Variants in FNTB observed in about 807,000 individuals in gnomAD.
FNTB encodes protein farnesyltransferase subunit beta.
Under a neutral mutation model 59.4 loss-of-function variants are expected in FNTB, and 27 were observed. The observed-to-expected ratio is 0.45, with a 90% CI of 0.34 to 0.63. FNTB has a LOEUF of 0.63. Among genes scored for constraint, FNTB ranks in the 20% least tolerant of loss-of-function variants. The probability of loss-of-function intolerance (pLI) is 0.02; values close to 1 mark genes in which losing one functional copy is unlikely to be tolerated. For missense variants in FNTB, 449 were observed against 559.6 expected, an observed-to-expected ratio of 0.80 and a Z score of 1.99; for synonymous variants, 230 against 220.7, an observed-to-expected ratio of 1.04 and a Z score of -0.37.
chr14:64,988,298 G>A (rs1888033444), intron 1 of FNTB, among the ~76,000 whole-genome samples: 1 of 152,072 alleles, frequency 6.6e-6, no homozygotes, highest in Admixed American at 6.6e-5. Flanking sequence ...TGTGTCCCAG[G>A]GAAGGCTGAC....
intron 7 of FNTB, among the ~76,000 whole-genome samples, chr14:65,035,482 T>C (rs776470020): frequency 2.0e-5 from 3 of 152,210 alleles, no homozygotes; most frequent in Non-Finnish European, 4.4e-5. Context: ...ATCCCAGTTT[T>C]GCCCTTTCTT....
Position 64,997,011 on chromosome 14 carries a change from T to G in FNTB, c.145-7238T>G, listed in dbSNP as rs1888422938. Reference sequence around the variant, plus strand: ...AAATTGTCACACTGTCATTTTGCCTTTTTTCATTTCACAGTAAAAAAAAAA... The same window carrying G: ...AAATTGTCACACTGTCATTTTGCCTGTTTTCATTTCACAGTAAAAAAAAAA... On this transcript the variant is annotated intron_variant, in intron 1 of 11. Coordinates refer to ENST00000246166, the MANE Select transcript of FNTB (RefSeq NM_002028.4). This position sits in a 1 kb window ranked among gnomAD's most constrained non-coding sequence, Gnocchi z 4.5. Among the ~76,000 whole-genome samples, 1 of 152,068 alleles carries G rather than the reference T, an allele frequency of 6.6e-6. No individual in the cohort carries two copies. Among genetic ancestry groups the G allele is most frequent in the South Asian group, 2.1e-4 (1 of 4,822 alleles).
chr14:65,010,431 C>T (rs1595011830), intron 2 of FNTB, among the ~76,000 whole-genome samples: 2 of 152,354 alleles, frequency 1.3e-5, no homozygotes, highest in East Asian at 1.9e-4. Context: ...GACATCATCA[C>T]CTGAATGCAG....
intron 1 of FNTB, among the ~76,000 whole-genome samples, chr14:64,989,059 C>T (rs1888073097): frequency 6.6e-6 from 1 of 152,044 alleles, no homozygotes; most frequent in Non-Finnish European, 1.5e-5. Context: ...AAGTAACAAC[C>T]TTGTTAGGAG....
At chr14:65,055,808 C>T (rs1440963219) in intron 11 of FNTB, among the ~76,000 whole-genome samples, 2 of 152,304 alleles carry the variant, frequency 1.3e-5, no homozygotes, top group Middle Eastern at 3.4e-3. Context: ...TGAGCCACCA[C>T]GCCTGGCCCC....
Position 65,054,369 on chromosome 14 carries a change from C to T in FNTB, c.1068-206C>T, listed in dbSNP as rs139963276. Among the ~76,000 whole-genome samples the T allele has an allele frequency of 7.9e-5, 12 of 151,898 alleles. No homozygotes were observed. Among genetic ancestry groups the T allele is most frequent in the Non-Finnish European group, 1.5e-4 (10 of 67,996 alleles). On this transcript the variant is annotated intron_variant, in intron 10 of 11. Transcript: ENST00000246166. The surrounding 1 kb of genome is among the most constrained non-coding windows in gnomAD (Gnocchi z 4.4). ...CAAACCGTTCTCTTGCCTCAGCCTC[C>T]TGCTTGCTGGGATTATGGGTGTGAG...
chr14:65,031,197 G>T lies in FNTB; in HGVS notation c.606-1413G>T, dbSNP rs1470388276. On this transcript the variant is annotated intron_variant, in intron 6 of 11. Coordinates refer to ENST00000246166, the MANE Select transcript of FNTB (RefSeq NM_002028.4). This position sits in a 1 kb window ranked among gnomAD's most constrained non-coding sequence, Gnocchi z 4.6. ...AAAAAACCATAGAGGGGAAGGAAAG[G>T]CAGTCTGTGTGTGTATACCATGACA... 1.3e-5 allele frequency among the ~76,000 whole-genome samples: 2 copies of T among 152,160 alleles called. No individual in the cohort carries two copies. The highest frequency in any genetic ancestry group is 2.9e-5 in the Non-Finnish European group (2 of 68,030).
chr14:65,015,454 T>A, intron 3 of FNTB, 171 bp from the exon 4 acceptor site: 11 of 267,404 alleles, frequency 4.1e-5, no homozygotes, highest in Non-Finnish European at 5.0e-5. Flanking sequence ...TCATTTCAGC[T>A]CCTGGCTAAG....
rs1244651954 is a variant in FNTB, at chr14:65,023,861, G to T, written c.375-3592G>T. Among the ~76,000 whole-genome samples the T allele has an allele frequency of 6.6e-6, 1 of 152,132 alleles. No individual in the cohort carries two copies. Among genetic ancestry groups the T allele is most frequent in the Non-Finnish European group, 1.5e-5 (1 of 68,030 alleles). ...CACGCCTGTAATCCTAGCACTTTGG[G>T]AGGCCAAGGCGGGCGGATTGTCTGA... On this transcript the variant is annotated intron_variant, in intron 4 of 11. Coordinates refer to ENST00000246166, the MANE Select transcript of FNTB (RefSeq NM_002028.4). The surrounding 1 kb of genome is among the most constrained non-coding windows in gnomAD (Gnocchi z 4.1).
Position 65,021,749 on chromosome 14 carries a change from G to A in FNTB, c.375-5704G>A, listed in dbSNP as rs148588763. Among the ~76,000 whole-genome samples the A allele has an allele frequency of 6.6e-3, 1,005 of 152,264 alleles. 11 individuals are homozygous for A. Among genetic ancestry groups the A allele is most frequent in the African/African-American group, 0.022 (923 of 41,554 alleles). On this transcript the variant is annotated intron_variant, in intron 4 of 11. Coordinates refer to ENST00000246166, the MANE Select transcript of FNTB (RefSeq NM_002028.4). Reference sequence around the variant, plus strand: ...CAACTTCCACCTTCCGGGTTCAAGCGATTCTCGTGCTTCAGCCTCCCAAGC... The same window carrying A: ...CAACTTCCACCTTCCGGGTTCAAGCAATTCTCGTGCTTCAGCCTCCCAAGC...
chr14:65,049,353 G>A (rs2062557599), intron 9 of FNTB, among the ~76,000 whole-genome samples: 1 of 152,134 alleles, frequency 6.6e-6, no homozygotes, highest in Non-Finnish European at 1.5e-5. Context: ...GGTGTGGAAA[G>A]ACTTTTGATT....
intron 4 of FNTB, among the ~76,000 whole-genome samples, chr14:65,026,628 G>A (rs922893028): frequency 9.9e-5 from 15 of 152,150 alleles, no homozygotes; most frequent in Non-Finnish European, 8.8e-5. Flanking sequence ...CAGAGGCTGC[G>A]GCGGGTGGAT....
At position 65,047,200 on chromosome 14, in the gene FNTB, G is replaced by C. The variant is rs889746064; in HGVS notation, c.955+2757G>C. On this transcript the variant is annotated intron_variant, in intron 9 of 11. Transcript: ENST00000246166. This position sits in a 1 kb window ranked among gnomAD's most constrained non-coding sequence, Gnocchi z 5.2. ...CACTGTATGCCAGGGGCTGTACTGA[G>C]CATTTCACATATGTTTTCTCATTTA... is the stretch of plus-strand genomic sequence containing the variant. 6.6e-6 allele frequency among the ~76,000 whole-genome samples: 1 copy of C among 152,198 alleles called. No homozygotes were observed. Among genetic ancestry groups the C allele is most frequent in the Admixed American group, 6.5e-5 (1 of 15,284 alleles).
chr14:64,989,955 TC>T (rs1888126794), intron 1 of FNTB, among the ~76,000 whole-genome samples: 1 of 151,748 alleles, frequency 6.6e-6, no homozygotes, highest in Non-Finnish European at 1.5e-5. Flanking sequence ...GGGGAGGTCT[TC>T]ATATAAGGTG....
chr14:65,060,942 G>A lies in FNTB; in HGVS notation c.1183-239G>A, dbSNP rs112078963. 6.4e-3 allele frequency among the ~76,000 whole-genome samples: 922 copies of A among 143,424 alleles called. 11 individuals carry two copies. The highest frequency in any genetic ancestry group is 0.023 in the African/African-American group (871 of 38,538). 94.1% of individuals were successfully genotyped at this position (143,424 alleles called of 152,430 possible). A position where few individuals can be genotyped will look rare whatever the true frequency, so the allele number is the denominator to read the frequency against. The stretch of plus-strand genomic sequence containing the variant: ...ATACTGTTTTCTCACATAATATGTT[G>A]TAAGTATTTGCCTGTATCGTTAAAT... On this transcript the variant is annotated intron_variant, in intron 11 of 11. Coordinates refer to ENST00000246166, the MANE Select transcript of FNTB (RefSeq NM_002028.4).
rs200448707 is a variant in FNTB at position 65,023,574 on chromosome 14, C to T, written c.375-3879C>T. 1.3e-5 allele frequency among the ~76,000 whole-genome samples: 2 copies of T among 152,138 alleles called. No homozygotes were observed. Among genetic ancestry groups the T allele is most frequent in the East Asian group, 3.8e-4 (2 of 5,198 alleles). ...ATATTCTGTAAATGTCTATAGGTGT[C>T]TATAAACATCTATACGTGTTCTATA... On this transcript the variant is annotated intron_variant, in intron 4 of 11. Coordinates refer to ENST00000246166, the MANE Select transcript of FNTB (RefSeq NM_002028.4). This position sits in a 1 kb window ranked among gnomAD's most constrained non-coding sequence, Gnocchi z 4.1.
chr14:65,027,126 A>G lies in FNTB; in HGVS notation c.375-327A>G, dbSNP rs962052749. Among the ~76,000 whole-genome samples the G allele has an allele frequency of 1.3e-5, 2 of 152,132 alleles. No individual in the cohort carries two copies. Among genetic ancestry groups the G allele is most frequent in the African/African-American group, 4.8e-5 (2 of 41,444 alleles). ...GGTCCAGGGCAGCAAGTTGAGTGGA[A>G]AGTCTGGGAAAGGTTTGTGTGGGAA... On this transcript the variant is annotated intron_variant, in intron 4 of 11. Coordinates refer to ENST00000246166, the MANE Select transcript of FNTB (RefSeq NM_002028.4). This position sits in a 1 kb window ranked among gnomAD's most constrained non-coding sequence, Gnocchi z 5.7.
In FNTB at chr14:65,057,651, C is replaced by T. The variant is rs2062767551; in HGVS notation, c.1182+2962C>T. 3.3e-5 allele frequency among the ~76,000 whole-genome samples: 5 copies of T among 152,312 alleles called. No individual in the cohort carries two copies. The South Asian group carries it at 1.0e-3, about 32-fold the overall frequency. On this transcript the variant is annotated intron_variant, in intron 11 of 11. Coordinates refer to ENST00000246166, the MANE Select transcript of FNTB (RefSeq NM_002028.4). The stretch of plus-strand genomic sequence containing the variant: ...GAATGAACAAGGCAATGCAGCAAGT[C>T]ATTAAGTGTAACTTCTTCTAAATAG...
intron 9 of FNTB, among the ~76,000 whole-genome samples, chr14:65,046,087 C>T (rs1386418998): frequency 6.6e-6 from 1 of 152,322 alleles, no homozygotes; most frequent in Admixed American, 6.5e-5. Flanking sequence ...AGTAATTCTC[C>T]TGCCTTAGCC....
Sources: allele counts gnomAD v4.1 joint callset (sites outside exome capture counted in the v4.1 genomes callset), GRCh38; gene constraint gnomAD v4.1.1; non-coding constraint Gnocchi (gnomAD v3.1); transcripts MANE v1.5; gene names NCBI Gene and HGNC (gene_info 2026-07-23, HGNC 2026-07-21).